The following GALNTL6 variants were observed in gnomAD, a reference collection of about 807,000 sequenced individuals.
GALNTL6 encodes polypeptide N-acetylgalactosaminyltransferase like 6, also known as polypeptide N-acetylgalactosaminyltransferase-like 6.
In GALNTL6, 46 loss-of-function variants were observed where a neutral mutation model predicts 73.7. That is an observed-to-expected ratio of 0.62 (90% CI 0.49 to 0.80). The LOEUF is 0.80. Ranked by LOEUF, GALNTL6 falls within the 30% of genes least tolerant of loss-of-function variation. The probability of loss-of-function intolerance (pLI) is 0.00; values close to 1 mark genes in which losing one functional copy is unlikely to be tolerated. For missense variants in GALNTL6, 604 were observed against 755.0 expected (o/e 0.80, Z 2.34); for synonymous variants, 259 against 263.7 (o/e 0.98, Z 0.17).
chr4:172,620,493 A>G (rs1181295727), intron 5 of GALNTL6, among the ~76,000 whole-genome samples: 1 of 152,210 alleles, frequency 6.6e-6, no homozygotes, highest in African/African-American at 2.4e-5. Context: ...TTAGTAATCT[A>G]GAAATATCAA....
chr4:172,373,198 A>G (rs1253775831), intron 5 of GALNTL6, among the ~76,000 whole-genome samples: 2 of 152,328 alleles, frequency 1.3e-5, no homozygotes, highest in African/African-American at 4.8e-5. Flanking sequence ...TGTGCACATA[A>G]GTTGGGACGT....
intron 2 of GALNTL6, among the ~76,000 whole-genome samples, chr4:172,117,927 C>T (rs1416631217): frequency 6.6e-6 from 1 of 152,116 alleles, no homozygotes; most frequent in Non-Finnish European, 1.5e-5. Flanking sequence ...TGAAAATTGA[C>T]TAGAATGAAA....
At chr4:172,498,566 C>T (rs338013) in intron 5 of GALNTL6, among the ~76,000 whole-genome samples, 149,668 of 152,326 alleles carry the variant, frequency 0.98, 73,578 homozygotes, top group Middle Eastern at 1. Flanking sequence ...TTGGGTGATA[C>T]ATCTAATTTT....
chr4:172,194,713 C>G (rs1735696784), intron 2 of GALNTL6, among the ~76,000 whole-genome samples: 1 of 152,078 alleles, frequency 6.6e-6, no homozygotes, highest in Non-Finnish European at 1.5e-5. Context: ...ATAAGTGAAA[C>G]AGAAATAAAA....
intron 8 of GALNTL6, among the ~76,000 whole-genome samples, chr4:172,925,397 G>A (rs538918099): frequency 6.6e-6 from 1 of 152,272 alleles, no homozygotes; most frequent in East Asian, 1.9e-4. Context: ...CTTGGAAATG[G>A]TAGTAACAGA....
At chr4:172,829,185 C>T (rs1376317246) in intron 7 of GALNTL6, among the ~76,000 whole-genome samples, 1 of 152,204 alleles carries the variant, frequency 6.6e-6, no homozygotes, top group Non-Finnish European at 1.5e-5. Context: ...CCTACATGCA[C>T]TCTTCGGAGC....
chr4:172,380,214 T>A, intron 5 of GALNTL6: 1 of 986,234 alleles, frequency 1.0e-6, no homozygotes, highest in Non-Finnish European at 1.6e-6. Flanking sequence ...CACTTACCTT[T>A]CAAAATATCT....
At chr4:171,893,458 T>C (rs993086301) in intron 2 of GALNTL6, among the ~76,000 whole-genome samples, 3 of 152,210 alleles carry the variant, frequency 2.0e-5, no homozygotes, top group African/African-American at 7.2e-5. Context: ...GGTACCTTCA[T>C]ATGTAAGAAA....
chr4:172,274,710 A>G (rs574715596), intron 3 of GALNTL6, among the ~76,000 whole-genome samples: 131 of 152,296 alleles, frequency 8.6e-4, no homozygotes, highest in African/African-American at 3.1e-3. Flanking sequence ...ACTTTTGTTT[A>G]CTGTCAATTG....
chr4:172,270,497 C>T (rs1438554249), intron 3 of GALNTL6, among the ~76,000 whole-genome samples: 1 of 152,136 alleles, frequency 6.6e-6, no homozygotes, highest in Non-Finnish European at 1.5e-5. Context: ...TTGTTCAATA[C>T]ACATGATGGC....
chr4:172,701,642 C>A (rs1410392050), intron 5 of GALNTL6, among the ~76,000 whole-genome samples: 2 of 152,008 alleles, frequency 1.3e-5, no homozygotes, highest in Non-Finnish European at 2.9e-5. Context: ...CGGAATAGGA[C>A]CTCAAGAAAT....
At chr4:172,936,751 T>C (rs1748640629) in intron 9 of GALNTL6, among the ~76,000 whole-genome samples, 1 of 151,976 alleles carries the variant, frequency 6.6e-6, no homozygotes. Flanking sequence ...ATAAGAACCA[T>C]CCAAGAACAT....
At chr4:172,588,019 AAGTG>A (rs1737486879) in intron 5 of GALNTL6, among the ~76,000 whole-genome samples, 1 of 152,190 alleles carries the variant, frequency 6.6e-6, no homozygotes, top group Non-Finnish European at 1.5e-5. Context: ...CTGACTACTT[AAGTG>A]AGTAACAGAC....
chr4:172,550,615 A>G (rs910147288), intron 5 of GALNTL6, among the ~76,000 whole-genome samples: 78 of 152,158 alleles, frequency 5.1e-4, no homozygotes, highest in African/African-American at 1.8e-3. Flanking sequence ...ATTTTATTTT[A>G]GAGACAGGAT....
intron 7 of GALNTL6, among the ~76,000 whole-genome samples, chr4:172,855,992 A>C (rs537957101): frequency 6.6e-6 from 1 of 152,184 alleles, no homozygotes; most frequent in Non-Finnish European, 1.5e-5. Context: ...GTCCAGGCCA[A>C]CGATCCACAT....
chr4:172,567,847 A>C (rs1042187283), intron 5 of GALNTL6, among the ~76,000 whole-genome samples: 1 of 152,096 alleles, frequency 6.6e-6, no homozygotes, highest in African/African-American at 2.4e-5. Context: ...CAAAAAAAAA[A>C]TTGTCAAGAC....
At chr4:172,079,685 A>G (rs915055131) in intron 2 of GALNTL6, among the ~76,000 whole-genome samples, 2 of 152,112 alleles carry the variant, frequency 1.3e-5, no homozygotes, top group Non-Finnish European at 2.9e-5. Flanking sequence ...TGATTTGAAT[A>G]ATGGCTTTTC....
intron 5 of GALNTL6, among the ~76,000 whole-genome samples, chr4:172,436,714 T>C (rs180829504): frequency 1.3e-5 from 2 of 152,244 alleles, no homozygotes; most frequent in East Asian, 3.9e-4. Context: ...AGACTTACTC[T>C]CTCCTCTTGA....
intron 3 of GALNTL6, among the ~76,000 whole-genome samples, chr4:172,279,451 A>G (rs1220531934): frequency 1.3e-5 from 2 of 152,202 alleles, no homozygotes; most frequent in African/African-American, 4.8e-5. Context: ...ATCAATAAGC[A>G]TACAAAAATA....
Sources: allele counts gnomAD v4.1 joint callset (sites outside exome capture counted in the v4.1 genomes callset), GRCh38; gene constraint gnomAD v4.1.1; transcripts MANE v1.5; gene names NCBI Gene and HGNC (gene_info 2026-07-23, HGNC 2026-07-21).